FBXO7: variants seen among roughly 807,000 people sequenced by gnomAD.
FBXO7 encodes F-box protein 7.
In FBXO7, 31 loss-of-function variants were observed where a neutral mutation model predicts 50.2. The observed-to-expected ratio is 0.62, with a 90% CI of 0.46 to 0.83. FBXO7 has a LOEUF of 0.83. FBXO7 is among the 40% of genes least tolerant of loss of function. The pLI, the probability that FBXO7 is intolerant of heterozygous loss-of-function variation, is 0.00. For missense variants in FBXO7, 667 were observed against 646.6 expected, an observed-to-expected ratio of 1.03 and a Z score of -0.34; for synonymous variants, 256 against 253.1, an observed-to-expected ratio of 1.01 and a Z score of -0.11.
chr22:32,492,924 A>G, intron 6 of FBXO7, 181 bp from the exon 7 acceptor site: 1 of 666,450 alleles, frequency 1.5e-6, no homozygotes, highest in South Asian at 1.7e-5. Flanking sequence ...GTTAATAGTA[A>G]TTATAGTCAA....
intron 7 of FBXO7, among the ~76,000 whole-genome samples, chr22:32,495,147 CA>C (rs2057564490): frequency 1.3e-5 from 2 of 152,134 alleles, no homozygotes; most frequent in Non-Finnish European, 2.9e-5. Flanking sequence ...GGATTAGAAG[CA>C]GGTGACACAC....
At chr22:32,476,151 T>C (rs2057427295) in intron 1 of FBXO7, among the ~76,000 whole-genome samples, 1 of 152,122 alleles carries the variant, frequency 6.6e-6, no homozygotes, top group Non-Finnish European at 1.5e-5. Context: ...CGCCCTTTCA[T>C]TTTCCTGGTT....
intron 1 of FBXO7, among the ~76,000 whole-genome samples, chr22:32,476,961 A>G (rs2057433099): frequency 1.3e-5 from 2 of 152,224 alleles, no homozygotes; most frequent in South Asian, 4.1e-4. Flanking sequence ...CTGCAAACAG[A>G]TACTTGAACG....
chr22:32,495,368 GT>G lies in FBXO7; in HGVS notation c.1145-110del, dbSNP rs752933430. ...ATAGTGTGTGTTATATAAATGGTTA[GT>G]TTTTTTTTTTTTTTATGCTTAACGG... On this transcript the variant is annotated intron_variant, in intron 7 of 8. Transcript: ENST00000266087. The G allele has an allele frequency of 0.031, 15,371 of 498,190 alleles. 253 individuals are homozygous for G. Among genetic ancestry groups the G allele is most frequent in the African/African-American group, 0.14 (5,767 of 41,840 alleles). 30.9% of individuals were successfully genotyped at this position (498,190 alleles called of 1,614,324 possible).
At chr22:32,478,362 A>G (rs893659979) in intron 1 of FBXO7, among the ~76,000 whole-genome samples, 11 of 152,284 alleles carry the variant, frequency 7.2e-5, no homozygotes, top group African/African-American at 2.6e-4. Context: ...AGCAGGGGAA[A>G]ATGCTGTCAA....
chr22:32,491,342 T>G (rs1436139117), intron 6 of FBXO7, 161 bp downstream of exon 6: 5 of 593,308 alleles, frequency 8.4e-6, no homozygotes, highest in Non-Finnish European at 1.2e-5. Flanking sequence ...CTATTTACTT[T>G]ATCTTTGTAT....
In FBXO7 at chr22:32,475,112, CCTGGGGGTACAGGTACGCTGGGGCCGGGG is replaced by C. The variant is rs1568969837; in HGVS notation, c.116_122+22del. ...CACCTGAGGCAGTCCCTGCTGTGCA[CCTGGGGGTACAGGTACGCTGGGGCCGGGG>C]CTGGGCGGCCCGCGGGGAGTGGGGA... is the stretch of plus-strand genomic sequence containing the variant. On this transcript the variant is annotated splice_donor_variant and splice_donor_5th_base_variant and coding_sequence_variant and intron_variant, in exon 1 of 9. Coordinates refer to ENST00000266087, the MANE Select transcript of FBXO7 (RefSeq NM_012179.4). LOFTEE classifies it high-confidence loss of function. 2 of 1,544,774 alleles carry C rather than the reference CCTGGGGGTACAGGTACGCTGGGGCCGGGG, an allele frequency of 1.3e-6. No homozygotes were observed. The highest frequency in any genetic ancestry group is 1.7e-6 in the Non-Finnish European group (2 of 1,145,450).
intron 1 of FBXO7, chr22:32,475,579 T>G (rs573472314): frequency 2.5e-6 from 2 of 792,966 alleles, no homozygotes; most frequent in African/African-American, 3.7e-5. Context: ...TGAAAAAGTT[T>G]GGAAATTGCT....
Position 32,474,835 on chromosome 22 carries a change from A to AGGGCGGCCACTGTGGCG in FBXO7, c.-163_-147dup, listed in dbSNP as rs2057414985. The AGGGCGGCCACTGTGGCG allele has an allele frequency of 3.1e-6, 2 of 648,920 alleles. No individual in the cohort carries two copies. The highest frequency in any genetic ancestry group is 2.0e-5 in the South Asian group (1 of 49,140). 40.2% of individuals were successfully genotyped at this position (648,920 alleles called of 1,614,324 possible). ...CGCTCTATTCCAGAGACCGAGTGGC[A>AGGGCGGCCACTGTGGCG]GGGCGGCCACTGTGGCGGGGCTCTT... On this transcript the variant is annotated 5_prime_UTR_variant, in exon 1 of 9. Coordinates refer to ENST00000266087, the MANE Select transcript of FBXO7 (RefSeq NM_012179.4).
intron 5 of FBXO7, chr22:32,490,021 A>G (rs2057523910): frequency 6.6e-6 from 1 of 152,252 alleles, no homozygotes; most frequent in Non-Finnish European, 1.5e-5. Context: ...TTTCAACTCA[A>G]GATTGCAAGT....
rs1363596156 is a variant in FBXO7, at chr22:32,487,555, T to A, written c.788-190T>A. On this transcript the variant is annotated intron_variant, in intron 4 of 8. Coordinates refer to ENST00000266087, the MANE Select transcript of FBXO7 (RefSeq NM_012179.4). ...TTAAAGGTGGTGTTGTAGAGTGATT[T>A]TACTTCATGTGATGCCAGGTTTACA... 1.3e-5 allele frequency: 7 copies of A among 555,270 alleles called. No individual in the cohort carries two copies. The South Asian group carries it at 1.3e-4, about 11-fold the overall frequency. The allele number at this position is 555,270 out of a possible 1,614,324, so 34.4% of individuals were successfully genotyped here. A position where few individuals can be genotyped will look rare whatever the true frequency, so the allele number is the denominator to read the frequency against.
intron 2 of FBXO7, among the ~76,000 whole-genome samples, chr22:32,483,194 A>G (rs560981451): frequency 1.4e-4 from 21 of 152,344 alleles, no homozygotes; most frequent in African/African-American, 5.1e-4. Flanking sequence ...GTAAAGTGTT[A>G]GGCACACACT....
At chr22:32,484,833 A>C (rs952409927) in intron 3 of FBXO7, among the ~76,000 whole-genome samples, 1 of 152,186 alleles carries the variant, frequency 6.6e-6, no homozygotes, top group Non-Finnish European at 1.5e-5. Context: ...TCCATGATGC[A>C]GTTTTACCTA....
intron 7 of FBXO7, among the ~76,000 whole-genome samples, chr22:32,495,106 T>G (rs1456538034): frequency 6.6e-6 from 1 of 152,218 alleles, no homozygotes; most frequent in Admixed American, 6.5e-5. Context: ...GCTCAGAGGT[T>G]GTTGCCCAGT....
At chr22:32,475,446 G>A (rs755318151) in intron 1 of FBXO7, 23 of 1,605,156 alleles carry the variant, frequency 1.4e-5, no homozygotes, top group Non-Finnish European at 1.8e-5. Context: ...AGGGAGAGGA[G>A]GGAACGCACA....
intron 7 of FBXO7, among the ~76,000 whole-genome samples, chr22:32,494,806 T>TGG (rs1355386341): frequency 6.6e-6 from 1 of 152,236 alleles, no homozygotes; most frequent in Non-Finnish European, 1.5e-5. Flanking sequence ...GATAAAATGT[T>TGG]ACGGAGCTAG....
In FBXO7 at chr22:32,484,058, T is replaced by C; in HGVS notation, c.579T>C (p.Ser193=). Residue 193 remains serine, a synonymous_variant, in exon 3 of 9, where the codon TCT becomes TCC. Transcript: ENST00000266087. ...CCTTGTATCAATCAGCTGACTGTTC[T>C]GATGCCAATGATGCCTTGATAGTGT... is the stretch of plus-strand genomic sequence containing the variant. The part of the protein sequence containing the change: ...LETLYQSADC[S]DANDALIVLI... 1 of 1,614,210 alleles carries C rather than the reference T, an allele frequency of 6.2e-7. No homozygotes were observed. The highest frequency in any genetic ancestry group is 8.5e-7 in the Non-Finnish European group (1 of 1,180,020).
At position 32,474,842 on chromosome 22, in the gene FBXO7, C is replaced by T. The variant is rs1000079620; in HGVS notation, c.-161C>T. The T allele has an allele frequency of 1.7e-5, 12 of 689,342 alleles. No homozygotes were observed. Among genetic ancestry groups the T allele is most frequent in the Admixed American group, 3.2e-5 (1 of 31,516 alleles). The allele number at this position is 689,342 out of a possible 1,614,324, so 42.7% of individuals were successfully genotyped here. A position where few individuals can be genotyped will look rare whatever the true frequency, so the allele number is the denominator to read the frequency against. ...TTCCAGAGACCGAGTGGCAGGGCGG[C>T]CACTGTGGCGGGGCTCTTTCCCCGT... On this transcript the variant is annotated 5_prime_UTR_variant, in exon 1 of 9. Coordinates refer to ENST00000266087, the MANE Select transcript of FBXO7 (RefSeq NM_012179.4).
intron 2 of FBXO7, among the ~76,000 whole-genome samples, chr22:32,483,337 A>AGAAC (rs1396790556): frequency 1.3e-5 from 2 of 152,212 alleles, no homozygotes; most frequent in African/African-American, 4.8e-5. Context: ...TTTTTTCCTA[A>AGAAC]GAACATCTAA....
Sources: allele counts gnomAD v4.1 joint callset (sites outside exome capture counted in the v4.1 genomes callset), GRCh38; gene constraint gnomAD v4.1.1; transcripts MANE v1.5; gene names NCBI Gene and HGNC (gene_info 2026-07-23, HGNC 2026-07-21).